The following TGFA variants were observed in gnomAD, a reference collection of about 807,000 sequenced individuals.
The protein encoded by TGFA is protransforming growth factor alpha.
A neutral mutation model predicts 21.7 loss-of-function variants in TGFA; 12 were observed. The observed-to-expected ratio is 0.55, with a 90% CI of 0.35 to 0.90. The LOEUF is 0.90. TGFA is among the 40% of genes least tolerant of loss of function. The probability of loss-of-function intolerance (pLI) is 0.01; values close to 1 mark genes in which losing one functional copy is unlikely to be tolerated. For synonymous variants in TGFA, 79 were observed against 88.1 expected (o/e 0.90, Z 0.58); for missense variants, 178 against 210.8 (o/e 0.84, Z 0.96).
At position 70,543,069 on chromosome 2, in the gene TGFA, C is replaced by T. The variant is rs1218941724; in HGVS notation, c.40+10659G>A. 2.6e-5 allele frequency among the ~76,000 whole-genome samples: 4 copies of T among 151,898 alleles called. 1 individual carries two copies. The highest frequency in any genetic ancestry group is 9.7e-5 in the African/African-American group (4 of 41,350). On this transcript the variant is annotated intron_variant, in intron 1 of 5. Coordinates refer to ENST00000295400, the MANE Select transcript of TGFA (RefSeq NM_003236.4). ...AGTGAGCCAAGATTGCGCCATTGCA[C>T]TCCAGCCTGGGTAACAAGAGTGAAA...
chr2:70,457,882 T>C (rs1027250066), intron 3 of TGFA, among the ~76,000 whole-genome samples: 11 of 152,162 alleles, frequency 7.2e-5, no homozygotes, highest in African/African-American at 2.7e-4. Flanking sequence ...CCATATCATA[T>C]GCTAGATTTA....
chr2:70,472,859 C>A (rs542975100), intron 2 of TGFA, among the ~76,000 whole-genome samples: 1 of 152,374 alleles, frequency 6.6e-6, no homozygotes, highest in Non-Finnish European at 1.5e-5. Flanking sequence ...TCATGGCTAA[C>A]TTTCTAACAA....
At chr2:70,468,492 C>G (rs1212474889) in intron 2 of TGFA, 1 of 152,254 alleles carries the variant, frequency 6.6e-6, no homozygotes, top group Non-Finnish European at 1.5e-5. Flanking sequence ...CTTCTCTGTG[C>G]TCACTGAACT....
At chr2:70,539,731 A>G (rs1321935181) in intron 1 of TGFA, among the ~76,000 whole-genome samples, 3 of 152,208 alleles carry the variant, frequency 2.0e-5, no homozygotes, top group African/African-American at 7.2e-5. Context: ...CTGGGATTAC[A>G]GGTATGAGAC....
At chr2:70,469,155 T>A (rs1322922998) in intron 2 of TGFA, among the ~76,000 whole-genome samples, 1 of 152,088 alleles carries the variant, frequency 6.6e-6, no homozygotes, top group Admixed American at 6.5e-5. Flanking sequence ...CAGCTTCACA[T>A]TCCCCTGAGT....
Position 70,449,914 on chromosome 2 carries a change from TCCTCTCTC to T in TGFA, c.*937_*944del, listed in dbSNP as rs1669998919. On this transcript the variant is annotated 3_prime_UTR_variant, in exon 6 of 6. Transcript: ENST00000295400. ...TATCCTGTGTAGACACACACACTCTTCCTCTCTCCCCAACAGAGGGGACAGATCCCTGC... is the reference window on the plus strand; with the variant it reads ...TATCCTGTGTAGACACACACACTCTTCCCAACAGAGGGGACAGATCCCTGC... 1 of 152,562 alleles carries T rather than the reference TCCTCTCTC, an allele frequency of 6.6e-6. No homozygotes were observed. The highest frequency in any genetic ancestry group is 2.1e-4 in the South Asian group (1 of 4,854). The allele number at this position is 152,562 out of a possible 1,614,324, so 9.5% of individuals were successfully genotyped here.
chr2:70,480,764 T>C (rs1217261048), intron 2 of TGFA, among the ~76,000 whole-genome samples: 1 of 152,150 alleles, frequency 6.6e-6, no homozygotes, highest in Non-Finnish European at 1.5e-5. Context: ...TGATTTCCGT[T>C]GGTGGATATC....
At chr2:70,540,673 C>T (rs1336872438) in intron 1 of TGFA, among the ~76,000 whole-genome samples, 1 of 152,122 alleles carries the variant, frequency 6.6e-6, no homozygotes. Flanking sequence ...GGATTATGAA[C>T]AGATTTTTAG....
chr2:70,543,383 G>C (rs1553505422), intron 1 of TGFA, among the ~76,000 whole-genome samples: 1 of 151,772 alleles, frequency 6.6e-6, no homozygotes. Context: ...ACAAAAATTA[G>C]CTGGGCATGG....
At chr2:70,493,237 C>T (rs17005717) in intron 2 of TGFA, among the ~76,000 whole-genome samples, 9,125 of 152,276 alleles carry the variant, frequency 0.06, 337 homozygotes, top group Middle Eastern at 0.13. Context: ...GCACTGACTG[C>T]GGCTTTCTAT....
intron 3 of TGFA, among the ~76,000 whole-genome samples, chr2:70,460,906 AG>A (rs1280241696): frequency 6.6e-6 from 1 of 152,194 alleles, no homozygotes. Flanking sequence ...TGAATACAGT[AG>A]CCACTAGCTA....
At chr2:70,458,086 A>G (rs1219246248) in intron 3 of TGFA, among the ~76,000 whole-genome samples, 2 of 152,142 alleles carry the variant, frequency 1.3e-5, no homozygotes, top group Admixed American at 6.5e-5. Context: ...CTCAGGGGCT[A>G]TGGGACAGGG....
rs1021307437 is a variant in TGFA, at chr2:70,456,626, G to A, written c.216-138C>T. The stretch of plus-strand genomic sequence containing the variant: ...GGCCCTGCCAGCTTTTGCAATTGGA[G>A]GGAAAGGTGTCAGCAAAATGCCTGT... On this transcript the variant is annotated intron_variant, in intron 3 of 5. Transcript: ENST00000295400. 1.2e-5 allele frequency: 12 copies of A among 1,031,528 alleles called. No individual in the cohort carries two copies. The East Asian group carries it at 2.6e-4, about 23-fold the overall frequency. The allele number at this position is 1,031,528 out of a possible 1,614,324, so 63.9% of individuals were successfully genotyped here.
intron 2 of TGFA, among the ~76,000 whole-genome samples, chr2:70,483,496 G>T (rs969577387): frequency 2.6e-5 from 4 of 152,136 alleles, no homozygotes; most frequent in African/African-American, 9.7e-5. Context: ...TGTGGTATTA[G>T]GGGTCTTTTA....
At chr2:70,479,527 T>G (rs1359238654) in intron 2 of TGFA, among the ~76,000 whole-genome samples, 1 of 152,224 alleles carries the variant, frequency 6.6e-6, no homozygotes, top group East Asian at 1.9e-4. Flanking sequence ...TAAGGACAAG[T>G]CTTTTTCAGC....
intron 2 of TGFA, among the ~76,000 whole-genome samples, chr2:70,470,310 A>G (rs1670700527): frequency 6.6e-6 from 1 of 152,218 alleles, no homozygotes; most frequent in African/African-American, 2.4e-5. Context: ...ACAAAGATGG[A>G]TATCAGAAAA....
intron 2 of TGFA, among the ~76,000 whole-genome samples, chr2:70,496,070 T>A (rs1302101510): frequency 6.6e-6 from 1 of 152,104 alleles, no homozygotes; most frequent in Non-Finnish European, 1.5e-5. Context: ...GCCGTGGAGA[T>A]CTCAGCTGAA....
At chr2:70,485,362 C>T (rs1001602422) in intron 2 of TGFA, among the ~76,000 whole-genome samples, 2 of 152,096 alleles carry the variant, frequency 1.3e-5, no homozygotes, top group Non-Finnish European at 2.9e-5. Context: ...CTCAGCCTCC[C>T]GAGTAGCTGG....
At chr2:70,553,637 G>T in intron 1 of TGFA, 91 bp downstream of exon 1, 1 of 1,307,760 alleles carries the variant, frequency 7.6e-7, no homozygotes. Context: ...TCCCAGGCGG[G>T]CGCAGAAACC....
Sources: gnomAD v4.1 joint callset for allele counts (sites outside exome capture counted in the v4.1 genomes callset) on GRCh38, gnomAD v4.1.1 for gene constraint, MANE v1.5 for transcripts, NCBI Gene and HGNC (gene_info 2026-07-23, HGNC 2026-07-21) for gene names.